FBXL7: variants seen among roughly 807,000 people sequenced by gnomAD.
The protein encoded by FBXL7 is F-box/LRR-repeat protein 7.
In FBXL7, 12 loss-of-function variants were observed where a neutral mutation model predicts 38.3. That is an observed-to-expected ratio of 0.31 (90% CI 0.20 to 0.51). FBXL7 has a LOEUF of 0.51. Ranked by LOEUF, FBXL7 falls within the 20% of genes least tolerant of loss-of-function variation. FBXL7 has a pLI of 0.98. For synonymous variants in FBXL7, 297 were observed against 300.9 expected (o/e 0.99, Z 0.13); for missense variants, 567 against 676.4 (o/e 0.84, Z 1.79).
At chr5:15,536,950 A>AT (rs1197170219) in intron 1 of FBXL7, among the ~76,000 whole-genome samples, 1 of 152,018 alleles carries the variant, frequency 6.6e-6, no homozygotes, top group Non-Finnish European at 1.5e-5. Context: ...CATGGGGGTG[A>AT]TTTCTCCCAT....
rs569336690 is a variant in FBXL7 at position 15,677,100 on chromosome 5, A to T, written c.127+61028A>T. ...TTATTATCATCAATAGCAATAGGAAAAATTTATATCTCACCAGTAACCCTG... is the reference window on the plus strand; with the variant it reads ...TTATTATCATCAATAGCAATAGGAATAATTTATATCTCACCAGTAACCCTG... On this transcript the variant is annotated intron_variant, in intron 2 of 3. Transcript: ENST00000504595. 2.0e-5 allele frequency among the ~76,000 whole-genome samples: 3 copies of T among 152,354 alleles called. No homozygotes were observed. In the South Asian group the frequency reaches 6.2e-4, roughly 32 times the overall value.
chr5:15,928,630 C>T lies in FBXL7; in HGVS notation c.739+129C>T. The T allele has an allele frequency of 8.2e-7, 1 of 1,217,852 alleles. No homozygotes were observed. Among genetic ancestry groups the T allele is most frequent in the Non-Finnish European group, 1.1e-6 (1 of 882,024 alleles). The allele number at this position is 1,217,852 out of a possible 1,614,324, so 75.4% of individuals were successfully genotyped here. ...GAGATGGGGGCGGGTGGTAGGGAGGCTGGCTTTTGCAGAGAAACTGTCTCT... is the reference window on the plus strand; with the variant it reads ...GAGATGGGGGCGGGTGGTAGGGAGGTTGGCTTTTGCAGAGAAACTGTCTCT... On this transcript the variant is annotated intron_variant, in intron 3 of 3. Transcript: ENST00000504595. The surrounding 1 kb of genome is among the most constrained non-coding windows in gnomAD (Gnocchi z 4.0).
At chr5:15,518,975 G>C (rs1173847491) in intron 1 of FBXL7, among the ~76,000 whole-genome samples, 1 of 152,074 alleles carries the variant, frequency 6.6e-6, no homozygotes, top group Non-Finnish European at 1.5e-5. Flanking sequence ...CTTGCAGTCC[G>C]GTGAGGAGGC....
At chr5:15,510,601 A>G (rs1210097742) in intron 1 of FBXL7, among the ~76,000 whole-genome samples, 1 of 152,194 alleles carries the variant, frequency 6.6e-6, no homozygotes, top group Non-Finnish European at 1.5e-5. Flanking sequence ...AAGAGGACAA[A>G]TTCAGGGAGA....
chr5:15,903,586 G>C (rs966310285), intron 2 of FBXL7, among the ~76,000 whole-genome samples: 1 of 152,056 alleles, frequency 6.6e-6, no homozygotes, highest in South Asian at 2.1e-4. Context: ...TTTAAAGGAG[G>C]TTAGAAAACT....
chr5:15,842,931 G>C (rs1441497824), intron 2 of FBXL7, among the ~76,000 whole-genome samples: 1 of 152,140 alleles, frequency 6.6e-6, no homozygotes, highest in East Asian at 1.9e-4. Context: ...ATAATACAAA[G>C]CTGTACCACA....
At chr5:15,927,788 G>GAAT in intron 2 of FBXL7, 102 bp from the exon 3 acceptor site, 1 of 480,188 alleles carries the variant, frequency 2.1e-6, no homozygotes. Flanking sequence ...AAAAAAAAAA[G>GAAT]AAGAAGAAAG....
chr5:15,507,991 C>T (rs887502472), intron 1 of FBXL7, among the ~76,000 whole-genome samples: 7 of 151,536 alleles, frequency 4.6e-5, no homozygotes, highest in Non-Finnish European at 8.8e-5. Context: ...TGCAGTGAGC[C>T]GAGATCACAC....
At chr5:15,623,704 T>G (rs1740722626) in intron 2 of FBXL7, among the ~76,000 whole-genome samples, 1 of 152,234 alleles carries the variant, frequency 6.6e-6, no homozygotes, top group Non-Finnish European at 1.5e-5. Flanking sequence ...TAACTCTAGG[T>G]GAATTCTGTT....
intron 2 of FBXL7, among the ~76,000 whole-genome samples, chr5:15,740,048 CT>C (rs1735855656): frequency 6.6e-6 from 1 of 152,108 alleles, no homozygotes; most frequent in Admixed American, 6.6e-5. Flanking sequence ...GTCACCAACA[CT>C]TTTTATTATC....
At chr5:15,506,559 C>T (rs999515153) in intron 1 of FBXL7, among the ~76,000 whole-genome samples, 3 of 152,024 alleles carry the variant, frequency 2.0e-5, no homozygotes, top group Non-Finnish European at 4.4e-5. Flanking sequence ...GTACCATGAC[C>T]AGGTGACTTA....
intron 2 of FBXL7, among the ~76,000 whole-genome samples, chr5:15,682,359 G>A (rs1742868835): frequency 6.6e-6 from 1 of 152,186 alleles, no homozygotes; most frequent in Non-Finnish European, 1.5e-5. Flanking sequence ...AGAGAGGCTA[G>A]GAAATGTGGC....
chr5:15,583,914 C>A (rs1739226762), intron 1 of FBXL7, among the ~76,000 whole-genome samples: 1 of 152,248 alleles, frequency 6.6e-6, no homozygotes, highest in Non-Finnish European at 1.5e-5. Flanking sequence ...AAACTTCTCT[C>A]TGGACATCCA....
chr5:15,552,656 A>G (rs1561024753), intron 1 of FBXL7, among the ~76,000 whole-genome samples: 2 of 152,084 alleles, frequency 1.3e-5, no homozygotes, highest in East Asian at 1.9e-4. Context: ...TGATCCACCC[A>G]TCTCCACTCT....
intron 2 of FBXL7, among the ~76,000 whole-genome samples, chr5:15,800,968 G>A (rs1281781455): frequency 2.0e-5 from 3 of 152,190 alleles, no homozygotes; most frequent in African/African-American, 4.8e-5. Context: ...TCATGTGGAA[G>A]TTGTCAAGTC....
At chr5:15,591,056 C>G (rs1739457220) in intron 1 of FBXL7, among the ~76,000 whole-genome samples, 1 of 152,186 alleles carries the variant, frequency 6.6e-6, no homozygotes, top group Admixed American at 6.5e-5. Flanking sequence ...AAATTCAGGT[C>G]TGCATCTCCT....
In FBXL7 at chr5:15,796,180, A is replaced by G. The variant is rs543384444; in HGVS notation, c.128-131710A>G. On this transcript the variant is annotated intron_variant, in intron 2 of 3. Coordinates refer to ENST00000504595, the MANE Select transcript of FBXL7 (RefSeq NM_012304.5). ...GGAAAAATAAACCAGATCTTTTTCT[A>G]TGAATTATAACGATGATAAGAGCAC... Among the ~76,000 whole-genome samples, 233 of 152,334 alleles carry G rather than the reference A, an allele frequency of 1.5e-3. 2 individuals are homozygous for G. The highest frequency in any genetic ancestry group is 5.1e-3 in the African/African-American group (214 of 41,574).
intron 2 of FBXL7, among the ~76,000 whole-genome samples, chr5:15,635,205 G>C (rs1377158946): frequency 6.6e-6 from 1 of 152,124 alleles, no homozygotes; most frequent in East Asian, 1.9e-4. Flanking sequence ...ATAGCTGGTG[G>C]ACAGGCTGGT....
chr5:15,801,856 A>G (rs1355502852), intron 2 of FBXL7, among the ~76,000 whole-genome samples: 4 of 151,972 alleles, frequency 2.6e-5, no homozygotes, highest in African/African-American at 9.7e-5. Flanking sequence ...TTAGTTTGTC[A>G]GCATGATTAC....
Sources: allele counts gnomAD v4.1 joint callset (sites outside exome capture counted in the v4.1 genomes callset), GRCh38; gene constraint gnomAD v4.1.1; non-coding constraint Gnocchi (gnomAD v3.1); transcripts MANE v1.5; gene names NCBI Gene and HGNC (gene_info 2026-07-23, HGNC 2026-07-21).